STXBP6: variants seen among roughly 807,000 people sequenced by gnomAD.
The protein encoded by STXBP6 is syntaxin binding protein 6.
Under a neutral mutation model 26.9 loss-of-function variants are expected in STXBP6, and 21 were observed. That is an observed-to-expected ratio of 0.78 (90% confidence interval 0.55 to 1.12). STXBP6 has a LOEUF of 1.12. Ranked by LOEUF, STXBP6 falls within the 50% of genes most tolerant of loss-of-function variation. The probability of loss-of-function intolerance (pLI) is 0.00; values close to 1 mark genes in which losing one functional copy is unlikely to be tolerated. For missense variants in STXBP6, 232 were observed against 257.9 expected (o/e 0.90, Z 0.69); for synonymous variants, 97 against 92.6 (o/e 1.05, Z -0.27).
At chr14:25,024,263 T>A (rs569108909) in intron 1 of STXBP6, among the ~76,000 whole-genome samples, 1 of 151,996 alleles carries the variant, frequency 6.6e-6, no homozygotes, top group East Asian at 1.9e-4. Flanking sequence ...GAGCCGAGAT[T>A]GTGCCATTGC....
intron 2 of STXBP6, among the ~76,000 whole-genome samples, chr14:24,895,392 G>C (rs556210457): frequency 6.6e-6 from 1 of 152,314 alleles, no homozygotes; most frequent in Admixed American, 6.5e-5. Flanking sequence ...CCATTCTTCA[G>C]TTCTGACTTC....
intron 2 of STXBP6, among the ~76,000 whole-genome samples, chr14:24,934,841 G>C (rs1393860005): frequency 3.3e-5 from 5 of 151,988 alleles, no homozygotes; most frequent in Non-Finnish European, 7.4e-5. Flanking sequence ...GTTGTTAGGA[G>C]GTCAGAGGCA....
At chr14:24,865,331 TGA>T (rs557415664) in intron 2 of STXBP6, among the ~76,000 whole-genome samples, 93 of 152,244 alleles carry the variant, frequency 6.1e-4, no homozygotes, top group African/African-American at 2.2e-3. Flanking sequence ...TTTACTGCTT[TGA>T]GAGAGTTTCT....
chr14:25,022,138 C>T (rs1270712341), intron 1 of STXBP6, among the ~76,000 whole-genome samples: 2 of 152,106 alleles, frequency 1.3e-5, no homozygotes, highest in African/African-American at 4.8e-5. Context: ...ATGAGTTACA[C>T]CAAAAGGAGA....
chr14:24,918,653 A>G (rs1048553758), intron 2 of STXBP6, among the ~76,000 whole-genome samples: 1 of 152,068 alleles, frequency 6.6e-6, no homozygotes, highest in Non-Finnish European at 1.5e-5. Flanking sequence ...ATGCTTTATT[A>G]AACACAGAGA....
At chr14:25,019,439 A>C (rs1207798840) in intron 1 of STXBP6, among the ~76,000 whole-genome samples, 9 of 152,366 alleles carry the variant, frequency 5.9e-5, no homozygotes, top group African/African-American at 1.9e-4. Flanking sequence ...AACACAAAAG[A>C]GTCAAAGAAA....
At chr14:24,959,361 G>A (rs573833907) in intron 2 of STXBP6, among the ~76,000 whole-genome samples, 29 of 152,280 alleles carry the variant, frequency 1.9e-4, no homozygotes, top group African/African-American at 5.8e-4. Flanking sequence ...CACAAGAGGC[G>A]AATGGTAGTT....
intron 2 of STXBP6, among the ~76,000 whole-genome samples, chr14:24,894,389 A>G (rs1205514729): frequency 1.3e-5 from 2 of 152,188 alleles, no homozygotes; most frequent in South Asian, 4.1e-4. Flanking sequence ...GTAGGAATAT[A>G]CAAGGGGATG....
intron 2 of STXBP6, among the ~76,000 whole-genome samples, chr14:24,912,344 G>T (rs1057406955): frequency 4.0e-5 from 6 of 151,316 alleles, no homozygotes; most frequent in African/African-American, 1.5e-4. Flanking sequence ...AAATATAAAA[G>T]GTATCTTGAA....
rs34542483 is a variant in STXBP6 at position 24,897,409 on chromosome 14, C to CAAAA, written c.155-40256_155-40253dup. Among the ~76,000 whole-genome samples the CAAAA allele has an allele frequency of 1.4e-3, 52 of 37,576 alleles. 2 individuals are homozygous for CAAAA. The highest frequency in any genetic ancestry group is 4.0e-3 in the African/African-American group (49 of 12,222). The allele number at this position is 37,576 out of a possible 152,430, so 24.7% of individuals were successfully genotyped here. Reference sequence around the variant, plus strand: ...TGGGCGACAGAGCGAGACTCTGTCTCAAAAAAAAAAAAAAAAAAGGAAAAA... The same window carrying CAAAA: ...TGGGCGACAGAGCGAGACTCTGTCTCAAAAAAAAAAAAAAAAAAAAAAGGAAAAA... On this transcript the variant is annotated intron_variant, in intron 2 of 5. Coordinates refer to ENST00000323944, the MANE Select transcript of STXBP6 (RefSeq NM_001394410.1).
intron 1 of STXBP6, among the ~76,000 whole-genome samples, chr14:25,022,009 G>A (rs1322463358): frequency 1.3e-5 from 2 of 152,138 alleles, no homozygotes; most frequent in Non-Finnish European, 2.9e-5. Context: ...ACTAGAACAA[G>A]TTACTCAGCT....
At chr14:24,944,787 A>G (rs2140011651) in intron 2 of STXBP6, among the ~76,000 whole-genome samples, 1 of 152,142 alleles carries the variant, frequency 6.6e-6, no homozygotes, top group Admixed American at 6.5e-5. Flanking sequence ...AGTACTCTCC[A>G]TTGCTTTATG....
intron 1 of STXBP6, among the ~76,000 whole-genome samples, chr14:24,979,342 C>A (rs1178310801): frequency 6.6e-6 from 1 of 152,164 alleles, no homozygotes; most frequent in Non-Finnish European, 1.5e-5. Flanking sequence ...TGTCTCAACA[C>A]TAAAGCAGAT....
chr14:24,952,514 G>C (rs1461245118), intron 2 of STXBP6, among the ~76,000 whole-genome samples: 4 of 152,076 alleles, frequency 2.6e-5, no homozygotes, highest in Non-Finnish European at 5.9e-5. Flanking sequence ...AGTTTTTCTA[G>C]ATAAAACTAA....
intron 4 of STXBP6, among the ~76,000 whole-genome samples, chr14:24,819,925 GC>G (rs1395688788): frequency 6.6e-6 from 1 of 152,256 alleles, no homozygotes; most frequent in East Asian, 1.9e-4. Context: ...ATAGAAACCA[GC>G]CCTAGAAGAA....
intron 5 of STXBP6, 76 bp from the exon 6 acceptor site, chr14:24,812,808 C>G: frequency 7.2e-7 from 1 of 1,388,218 alleles, no homozygotes. Flanking sequence ...GTGCTGCTCC[C>G]TCTCCACCTC....
intron 2 of STXBP6, among the ~76,000 whole-genome samples, chr14:24,884,681 T>C (rs941285809): frequency 6.6e-6 from 1 of 152,184 alleles, no homozygotes; most frequent in African/African-American, 2.4e-5. Context: ...TCCTGGCAAA[T>C]CGATCTTCAA....
At chr14:25,040,441 C>T (rs954082843) in intron 1 of STXBP6, among the ~76,000 whole-genome samples, 7 of 152,208 alleles carry the variant, frequency 4.6e-5, no homozygotes, top group East Asian at 1.9e-4. Context: ...CTTCACCTTT[C>T]TCTATCTCAG....
At chr14:24,901,146 T>TA (rs2071197219) in intron 2 of STXBP6, among the ~76,000 whole-genome samples, 1 of 151,188 alleles carries the variant, frequency 6.6e-6, no homozygotes, top group African/African-American at 2.4e-5. Flanking sequence ...TAGACAGGAT[T>TA]TTTTTTTTCT....
Sources: gnomAD v4.1 joint callset for allele counts (sites outside exome capture counted in the v4.1 genomes callset) on GRCh38, gnomAD v4.1.1 for gene constraint, MANE v1.5 for transcripts, NCBI Gene and HGNC (gene_info 2026-07-23, HGNC 2026-07-21) for gene names.